TSPO: variants seen among roughly 807,000 people sequenced by gnomAD.
TSPO encodes the protein translocator protein.
Under a neutral mutation model 13.9 loss-of-function variants are expected in TSPO, and 14 were observed. The observed-to-expected ratio is 1.01, with a 90% confidence interval of 0.67 to 1.58. The LOEUF (loss-of-function observed/expected upper bound fraction) is 1.58, where lower values mean the gene tolerates loss of function less well. Among genes scored for constraint, TSPO ranks in the 40% most tolerant of loss-of-function variants. TSPO has a pLI of 0.00. For synonymous variants in TSPO, 114 were observed against 105.9 expected (o/e 1.08, Z -0.47); for missense variants, 232 against 229.6 (o/e 1.01, Z -0.07).
chr22:43,157,830 C>CT (rs1300071204), intron 1 of TSPO, among the ~76,000 whole-genome samples: 1 of 152,186 alleles, frequency 6.6e-6, no homozygotes, highest in Non-Finnish European at 1.5e-5. Context: ...GAGCAAGACT[C>CT]TGTCTCAAAA....
At position 43,159,377 on chromosome 22, in the gene TSPO, T is replaced by G; in HGVS notation, c.139T>G (p.Trp47Gly). ...LQKPSWHPPH[W>G]VLGPVWGTLY... ...GAAGCCCTCGTGGCACCCGCCCCACTGGGTGCTGGGCCCTGTCTGGGGCAC... is the reference window on the plus strand; with the variant it reads ...GAAGCCCTCGTGGCACCCGCCCCACGGGGTGCTGGGCCCTGTCTGGGGCAC... The change falls in exon 2 of 4, where the codon TGG becomes GGG. Residue 47 changes from tryptophan to glycine, a missense_variant. Trp to Gly is a radical substitution (Grantham distance 184). Transcript: ENST00000337554. 1.9e-6 allele frequency: 3 copies of G among 1,543,354 alleles called. No homozygotes were observed. The South Asian group carries it at 3.6e-5, about 18-fold the overall frequency.
At chr22:43,162,648 G>A (rs766666503) in intron 3 of TSPO, among the ~76,000 whole-genome samples, 155 bp from the exon 4 acceptor site, 4 of 152,214 alleles carry the variant, frequency 2.6e-5, no homozygotes, top group South Asian at 2.1e-4. Flanking sequence ...CTGAGGCTGC[G>A]ATGGGGGAGG....
Position 43,161,133 on chromosome 22 carries a change from G to A in TSPO, c.264G>A (p.Gln88=), listed in dbSNP as rs376234950. ...AVVPLGLYTG[Q]LALNWAWPPI... ...TTCCCCTGGGCCTCTACACTGGGCA[G>A]CTGGCCCTGAACTGGGCATGGCCCC... Residue 88 remains glutamine (Q), a synonymous_variant, in exon 3 of 4, where the codon CAG becomes CAA. Transcript: ENST00000337554. 9.9e-6 allele frequency: 16 copies of A among 1,614,054 alleles called. No homozygotes were observed. The highest frequency in any genetic ancestry group is 1.7e-5 in the Admixed American group (1 of 60,004).
chr22:43,160,210 C>T lies in TSPO; in HGVS notation c.182+790C>T, dbSNP rs189924643. 5.8e-4 allele frequency among the ~76,000 whole-genome samples: 89 copies of T among 152,306 alleles called. 1 individual carries two copies. The highest frequency in any genetic ancestry group is 1.3e-4 in the Non-Finnish European group (9 of 68,018). On this transcript the variant is annotated intron_variant, in intron 2 of 3. Transcript: ENST00000337554. ...TGCCCAGCCAGGGTCCTGCACTTCCCTGGCTCCAGTGTCCCCACCCTGCTT... is the reference window on the plus strand; with the variant it reads ...TGCCCAGCCAGGGTCCTGCACTTCCTTGGCTCCAGTGTCCCCACCCTGCTT...
At chr22:43,157,535 T>C (rs1265067118) in intron 1 of TSPO, among the ~76,000 whole-genome samples, 6 of 152,084 alleles carry the variant, frequency 3.9e-5, no homozygotes, top group Admixed American at 3.9e-4. Flanking sequence ...TGACACTCTG[T>C]TCCTTTAAAA....
Position 43,161,204 on chromosome 22 carries a change from C to G in TSPO, c.321+14C>G. On this transcript the variant is annotated intron_variant, in intron 3 of 3. Transcript: ENST00000337554. ...CAAATGGGCTGGGTAAGTGTGGCCACAGCATGTGTCCCTGATCCCTGGATC... is the reference window on the plus strand; with the variant it reads ...CAAATGGGCTGGGTAAGTGTGGCCAGAGCATGTGTCCCTGATCCCTGGATC... The G allele has an allele frequency of 1.2e-6, 2 of 1,607,796 alleles. No homozygotes were observed. Among genetic ancestry groups the G allele is most frequent in the African/African-American group, 2.7e-5 (2 of 74,876 alleles).
At chr22:43,161,504 T>C (rs1284353055) in intron 3 of TSPO, among the ~76,000 whole-genome samples, 2 of 151,994 alleles carry the variant, frequency 1.3e-5, no homozygotes, top group African/African-American at 4.8e-5. Flanking sequence ...TTTTTTTTTT[T>C]TGAGACAGAG....
intron 1 of TSPO, among the ~76,000 whole-genome samples, chr22:43,158,453 AGAGT>A (rs1406229180): frequency 3.9e-5 from 6 of 152,196 alleles, no homozygotes; most frequent in Non-Finnish European, 8.8e-5. Flanking sequence ...ACCTAGAATC[AGAGT>A]GAGTGGGAGC....
chr22:43,160,258 C>T (rs1202329814), intron 2 of TSPO, among the ~76,000 whole-genome samples: 1 of 152,176 alleles, frequency 6.6e-6, no homozygotes, highest in Non-Finnish European at 1.5e-5. Flanking sequence ...CCACCCAGTC[C>T]CAGCCTCTCT....
intron 1 of TSPO, among the ~76,000 whole-genome samples, chr22:43,158,484 G>A (rs1387153770): frequency 6.6e-6 from 1 of 152,180 alleles, no homozygotes; most frequent in Non-Finnish European, 1.5e-5. Flanking sequence ...CTTTGTTTTT[G>A]GATGAGGTCA....
At chr22:43,153,336 CTTTTTTTTTTTTTTT>C (rs1052119233) in intron 1 of TSPO, among the ~76,000 whole-genome samples, 1 of 50,724 alleles carries the variant, frequency 2.0e-5, no homozygotes, top group Middle Eastern at 7.8e-3. Flanking sequence ...TTTGTGTTTT[CTTTTTTTTTTTTTTT>C]TTTTTTTTTT....
At chr22:43,152,380 C>A (rs1931100297) in intron 1 of TSPO, among the ~76,000 whole-genome samples, 1 of 152,226 alleles carries the variant, frequency 6.6e-6, no homozygotes, top group Non-Finnish European at 1.5e-5. Context: ...GCAGGAGAGA[C>A]AGGACTTGAG....
intron 2 of TSPO, 21 bp from the exon 3 acceptor site, chr22:43,161,031 G>A (rs1329570303): frequency 1.2e-6 from 2 of 1,608,624 alleles, no homozygotes; most frequent in South Asian, 1.1e-5. Flanking sequence ...ATGGTGCTCT[G>A]AACTGCGGCC....
At position 43,161,119 on chromosome 22, in the gene TSPO, C is replaced by T. The variant is rs754824182; in HGVS notation, c.250C>T (p.Leu84Phe). 12 of 1,614,058 alleles carry T rather than the reference C, an allele frequency of 7.4e-6. No individual in the cohort carries two copies. Among genetic ancestry groups the T allele is most frequent in the African/African-American group, 1.3e-5 (1 of 74,938 alleles). Residue 84 changes from leucine (L) to phenylalanine (F), a missense_variant, in exon 3 of 4, where the codon CTC becomes TTC. Transcript: ENST00000337554. ...FTEKAVVPLG[L>F]YTGQLALNWA... is the part of the protein sequence containing the mutation. ...AGAGAAGGCTGTGGTTCCCCTGGGC[C>T]TCTACACTGGGCAGCTGGCCCTGAA...
intron 1 of TSPO, among the ~76,000 whole-genome samples, chr22:43,157,792 G>A (rs555137754): frequency 4.6e-5 from 7 of 152,332 alleles, no homozygotes; most frequent in Admixed American, 1.3e-4. Context: ...AGCTGAGATC[G>A]CGCCATTGTA....
chr22:43,162,650 T>G (rs1931479580), intron 3 of TSPO, among the ~76,000 whole-genome samples, 153 bp from the exon 4 acceptor site: 2 of 152,116 alleles, frequency 1.3e-5, no homozygotes, highest in Non-Finnish European at 2.9e-5. Flanking sequence ...GAGGCTGCGA[T>G]GGGGGAGGGG....
intron 1 of TSPO, among the ~76,000 whole-genome samples, chr22:43,154,049 T>C (rs138910): frequency 0.77 from 117,044 of 152,124 alleles, 45,210 homozygotes; most frequent in East Asian, 0.99. Flanking sequence ...TCCCCCTGGA[T>C]ACCCCACCCT....
intron 1 of TSPO, among the ~76,000 whole-genome samples, chr22:43,157,136 C>A (rs1931275296): frequency 6.6e-6 from 1 of 152,004 alleles, no homozygotes; most frequent in South Asian, 2.1e-4. Context: ...TGGTCCAGAG[C>A]TCCATATCCA....
intron 1 of TSPO, among the ~76,000 whole-genome samples, chr22:43,158,922 A>G (rs940861730): frequency 6.6e-6 from 1 of 152,010 alleles, no homozygotes; most frequent in Non-Finnish European, 1.5e-5. Flanking sequence ...CAGGCTGGGA[A>G]GGCTTCTTGG....
Sources: allele counts gnomAD v4.1 joint callset (sites outside exome capture counted in the v4.1 genomes callset), GRCh38; gene constraint gnomAD v4.1.1; transcripts MANE v1.5; gene names NCBI Gene and HGNC (gene_info 2026-07-23, HGNC 2026-07-21).